The following TEX11 variants were observed in gnomAD, a reference collection of about 807,000 sequenced individuals.
The protein encoded by TEX11 is testis expressed 11, also known as testis-expressed protein 11.
TEX11 carries 7 observed loss-of-function variants against 84.4 expected under a neutral mutation model. The observed-to-expected ratio is 0.08, with a 90% CI of 0.05 to 0.16. The LOEUF (loss-of-function observed/expected upper bound fraction) is 0.16. Among genes scored for constraint, TEX11 ranks in the 10% least tolerant of loss-of-function variants. The pLI, the probability that TEX11 is intolerant of heterozygous loss-of-function variation, is 1.00. For synonymous variants in TEX11, 264 were observed against 222.8 expected, an observed-to-expected ratio of 1.18 and a Z score of -1.64; for missense variants, 551 against 660.5, an observed-to-expected ratio of 0.83 and a Z score of 1.82.
chrX:70,605,786 G>T (rs1210831711), intron 23 of TEX11, among the ~76,000 whole-genome samples: 1 of 111,313 alleles, frequency 9.0e-6, no homozygotes, highest in East Asian at 2.8e-4. Flanking sequence ...AGTATCATTC[G>T]CCCTTGTATT....
At chrX:70,521,971 A>G in the TEX11 span, among the ~76,000 whole-genome samples, 1 of 110,130 alleles carries the variant, frequency 9.1e-6, no homozygotes, top group African/African-American at 3.3e-5. Context: ...TGATCCTCCC[A>G]CCTCAGCCTT....
At chrX:70,846,656 G>T (rs779172381) in intron 7 of TEX11, among the ~76,000 whole-genome samples, 168 of 111,856 alleles carry the variant, frequency 1.5e-3, no homozygotes, top group African/African-American at 5.2e-3. Context: ...AGGCATGGTC[G>T]CTCACGCCTG....
intron 9 of TEX11, among the ~76,000 whole-genome samples, chrX:70,791,955 G>A (rs1450033225): frequency 8.3e-5 from 9 of 108,457 alleles, no homozygotes; most frequent in Admixed American, 3.0e-4. Flanking sequence ...AAGAAACTCC[G>A]TCTCTACCAA....
intron 17 of TEX11, among the ~76,000 whole-genome samples, chrX:70,631,265 T>C (rs927268779): frequency 4.5e-5 from 5 of 112,019 alleles, no homozygotes; most frequent in African/African-American, 1.6e-4. Flanking sequence ...AGTCTCAATA[T>C]ATTTAAAAGG....
intron 16 of TEX11, among the ~76,000 whole-genome samples, chrX:70,661,146 C>T (rs889880278): frequency 1.3e-4 from 15 of 111,700 alleles, no homozygotes; most frequent in African/African-American, 4.9e-4. Flanking sequence ...GGGTGACAGA[C>T]GGCACTTGGA....
chrX:70,766,797 A>C (rs2090943645), intron 9 of TEX11, among the ~76,000 whole-genome samples: 1 of 111,687 alleles, frequency 9.0e-6, no homozygotes, highest in Non-Finnish European at 1.9e-5. Flanking sequence ...CCAATGGAAC[A>C]GAATAGAGAT....
intron 28 of TEX11, among the ~76,000 whole-genome samples, chrX:70,533,521 G>A (rs2087915751): frequency 9.0e-6 from 1 of 111,380 alleles, no homozygotes; most frequent in Non-Finnish European, 1.9e-5. Flanking sequence ...CAGAGGAGTG[G>A]CGAGAAAATA....
intron 11 of TEX11, among the ~76,000 whole-genome samples, chrX:70,727,262 A>G (rs191442535): frequency 6.3e-5 from 7 of 111,686 alleles, no homozygotes; most frequent in Non-Finnish European, 1.3e-4. Context: ...GGCAGGCATT[A>G]CTACACTATC....
At chrX:70,689,304 G>A (rs2090215094) in intron 13 of TEX11, among the ~76,000 whole-genome samples, 2 of 111,050 alleles carry the variant, frequency 1.8e-5, no homozygotes, top group South Asian at 7.6e-4. Flanking sequence ...ACTCAGATTA[G>A]TATACACACA....
intron 11 of TEX11, among the ~76,000 whole-genome samples, chrX:70,727,729 G>A (rs932617324): frequency 9.0e-6 from 1 of 110,882 alleles, no homozygotes; most frequent in Admixed American, 9.5e-5. Flanking sequence ...GCCCTTATAA[G>A]AAAAGACATG....
Position 70,539,038 on chromosome X carries a change from A to ATATATATAT in TEX11, c.2521-9040_2521-9039insATATATATA. 1.2e-3 allele frequency among the ~76,000 whole-genome samples: 49 copies of ATATATATAT among 41,243 alleles called. 2 individuals carry two copies. The highest frequency in any genetic ancestry group is 0.051 in the Middle Eastern group (2 of 39). 35.8% of individuals were successfully genotyped at this position (41,243 alleles called of 115,157 possible). A position where few individuals can be genotyped will look rare whatever the true frequency, so the allele number is the denominator to read the frequency against. On this transcript the variant is annotated intron_variant, in intron 28 of 29. Transcript: ENST00000374333. The stretch of plus-strand genomic sequence containing the variant: ...CTTGGAAATATATATATATATATAT[A>ATATATATAT]TTTTTTTTTTTTTTAAGATGGAGTC...
At chrX:70,731,030 G>A (rs2147732260) in intron 11 of TEX11, among the ~76,000 whole-genome samples, 1 of 111,798 alleles carries the variant, frequency 8.9e-6, no homozygotes, top group East Asian at 2.8e-4. Context: ...CATGGAAACT[G>A]AACAACCTGC....
At chrX:70,773,252 A>T (rs2090982314) in intron 9 of TEX11, among the ~76,000 whole-genome samples, 1 of 111,061 alleles carries the variant, frequency 9.0e-6, no homozygotes, top group Admixed American at 9.6e-5. Flanking sequence ...TCAAAAAAAA[A>T]GGGAGAATCA....
At chrX:70,736,620 A>G (rs2090698191) in intron 11 of TEX11, among the ~76,000 whole-genome samples, 1 of 110,819 alleles carries the variant, frequency 9.0e-6, no homozygotes, top group Non-Finnish European at 1.9e-5. Flanking sequence ...ATGTAGATAC[A>G]GAGTTCAAAT....
At chrX:70,774,752 AGT>A (rs1270782887) in intron 9 of TEX11, among the ~76,000 whole-genome samples, 1 of 111,680 alleles carries the variant, frequency 9.0e-6, no homozygotes, top group African/African-American at 3.3e-5. Flanking sequence ...GGGTCAGAAG[AGT>A]GTATATTATT....
At chrX:70,516,604 G>T in the TEX11 span, among the ~76,000 whole-genome samples, 26 of 111,605 alleles carry the variant, frequency 2.3e-4, no homozygotes, top group South Asian at 1.1e-3. Flanking sequence ...AGCAATGCGG[G>T]CTCTTTTTTG....
chrX:70,726,399 T>A lies in TEX11; in HGVS notation c.844-1056A>T, dbSNP rs1191947947. On this transcript the variant is annotated intron_variant, in intron 11 of 29. Transcript: ENST00000374333. Reference sequence around the variant, plus strand: ...CCGTATATTGTCCATCCTTATTGTCTCTTAAAACTACACTTCCAGAAGTCA... The same window carrying A: ...CCGTATATTGTCCATCCTTATTGTCACTTAAAACTACACTTCCAGAAGTCA... Among the ~76,000 whole-genome samples the A allele has an allele frequency of 9.8e-5, 11 of 112,088 alleles. No individual in the cohort carries two copies. In the East Asian group the frequency reaches 3.1e-3, roughly 32 times the overall value.
intron 9 of TEX11, among the ~76,000 whole-genome samples, chrX:70,761,887 A>T (rs1021147427): frequency 2.7e-5 from 3 of 109,450 alleles, no homozygotes; most frequent in Non-Finnish European, 5.6e-5. Flanking sequence ...GCCCAATGAT[A>T]AAGAAAGGAT....
chrX:70,855,455 C>T (rs1359686933), intron 5 of TEX11, among the ~76,000 whole-genome samples: 2 of 109,680 alleles, frequency 1.8e-5, no homozygotes, highest in East Asian at 5.7e-4. Flanking sequence ...AGCCCCAGCT[C>T]CTCAGGAGAC....
Sources: allele counts gnomAD v4.1 joint callset (sites outside exome capture counted in the v4.1 genomes callset), GRCh38; gene constraint gnomAD v4.1.1; transcripts MANE v1.5; gene names NCBI Gene and HGNC (gene_info 2026-07-23, HGNC 2026-07-21).